The following CDH22 variants were observed in gnomAD, a reference collection of about 807,000 sequenced individuals.
CDH22 encodes cadherin 22, also known as cadherin-22.
A neutral mutation model predicts 58.4 loss-of-function variants in CDH22; 30 were observed. That is an observed-to-expected ratio of 0.51 (90% CI 0.38 to 0.70). The LOEUF is 0.70. CDH22 is among the 30% of genes least tolerant of loss of function. The pLI, the probability that CDH22 is intolerant of heterozygous loss-of-function variation, is 0.00. For synonymous variants in CDH22, 513 were observed against 558.2 expected (o/e 0.92, Z 1.14); for missense variants, 1,014 against 1,233.9 (o/e 0.82, Z 2.67).
Position 46,210,077 on chromosome 20 carries a change from C to T in CDH22, c.1286+230G>A, listed in dbSNP as rs982218522. 6 of 437,468 alleles carry T rather than the reference C, an allele frequency of 1.4e-5. No homozygotes were observed. The highest frequency in any genetic ancestry group is 5.9e-4 in the Middle Eastern group (1 of 1,684). The allele number at this position is 437,468 out of a possible 1,614,324, so 27.1% of individuals were successfully genotyped here. ...CCTCCTGGTTCTCTCCCTTATTGGC[C>T]TGGCTCGCCTGCCTGTCTCATTGAC... On this transcript the variant is annotated intron_variant, in intron 7 of 11. Transcript: ENST00000537909. The surrounding 1 kb of genome is among the most constrained non-coding windows in gnomAD (Gnocchi z 4.5).
intron 1 of CDH22, among the ~76,000 whole-genome samples, chr20:46,274,827 C>A (rs202069633): frequency 1.0e-4 from 14 of 140,388 alleles, no homozygotes; most frequent in African/African-American, 1.3e-4. Context: ...GAGCCAGATG[C>A]AAAAAAAAAA....
chr20:46,304,604 C>G (rs1219799240), intron 1 of CDH22, among the ~76,000 whole-genome samples: 1 of 152,206 alleles, frequency 6.6e-6, no homozygotes, highest in African/African-American at 2.4e-5. Flanking sequence ...AAGTTCCCAG[C>G]CTAATCCCAA....
chr20:46,273,192 A>G (rs1264249509), intron 1 of CDH22, among the ~76,000 whole-genome samples: 1 of 152,196 alleles, frequency 6.6e-6, no homozygotes, highest in Non-Finnish European at 1.5e-5. Context: ...TGAGATCATC[A>G]GAAAACAAAT....
chr20:46,283,245 C>A (rs2086558954), intron 1 of CDH22, among the ~76,000 whole-genome samples: 1 of 152,170 alleles, frequency 6.6e-6, no homozygotes, highest in Non-Finnish European at 1.5e-5. Context: ...TCCAAGTGCA[C>A]TGGGAATGCA....
At chr20:46,286,087 G>A (rs1007697664) in intron 1 of CDH22, among the ~76,000 whole-genome samples, 3 of 152,188 alleles carry the variant, frequency 2.0e-5, no homozygotes, top group African/African-American at 7.2e-5. Flanking sequence ...GTGGTGGGGA[G>A]AGTTTTTCTA....
intron 1 of CDH22, among the ~76,000 whole-genome samples, chr20:46,255,301 C>G (rs551599412): frequency 6.6e-6 from 1 of 152,156 alleles, no homozygotes; most frequent in Non-Finnish European, 1.5e-5. Flanking sequence ...TGTGAGCCAC[C>G]GTGCCTGGCC....
intron 3 of CDH22, among the ~76,000 whole-genome samples, chr20:46,238,208 A>G (rs1467619023): frequency 2.0e-5 from 3 of 151,928 alleles, no homozygotes; most frequent in Non-Finnish European, 4.4e-5. Flanking sequence ...AGCTCTCCCC[A>G]CCTTTCTGGA....
chr20:46,270,619 G>A (rs1403558753), intron 1 of CDH22, among the ~76,000 whole-genome samples: 1 of 152,182 alleles, frequency 6.6e-6, no homozygotes, highest in Non-Finnish European at 1.5e-5. Context: ...TCTCCAGGAG[G>A]CACTGCAGGT....
At position 46,251,173 on chromosome 20, in the gene CDH22, G is replaced by T. The variant is rs769227946; in HGVS notation, c.122C>A (p.Thr41Lys). The T allele has an allele frequency of 1.3e-6, 2 of 1,568,206 alleles. No homozygotes were observed. The highest frequency in any genetic ancestry group is 2.3e-5 in the South Asian group (2 of 87,402). Residue 41 changes from threonine to lysine, a missense_variant, in exon 2 of 12, where the codon ACA becomes AAA. By Grantham distance (78) the Thr-to-Lys change is moderately conservative. Transcript: ENST00000537909. The surrounding 1 kb of genome is among the most constrained non-coding windows in gnomAD (Gnocchi z 6.7). ...AGCTCCGGGCGCCGACGGCGAGGGT[G>T]TGCCCGCTGCCCACAGGCGCCCCAG... ...TLLGRLWAAG[T>K]PSPSAPGARQ...
At chr20:46,202,400 C>T (rs2085967892) in intron 7 of CDH22, among the ~76,000 whole-genome samples, 2 of 150,542 alleles carry the variant, frequency 1.3e-5, no homozygotes, top group Admixed American at 1.3e-4. Context: ...GTCACCCAGG[C>T]TGGAGTGCAG....
intron 11 of CDH22, among the ~76,000 whole-genome samples, chr20:46,177,335 C>T (rs1231856014): frequency 1.3e-5 from 2 of 152,304 alleles, no homozygotes; most frequent in East Asian, 3.9e-4. Context: ...AACTTGACCT[C>T]TTCATTGGGG....
At chr20:46,258,595 G>T (rs1188554121) in intron 1 of CDH22, among the ~76,000 whole-genome samples, 1 of 152,240 alleles carries the variant, frequency 6.6e-6, no homozygotes, top group Non-Finnish European at 1.5e-5. Context: ...TGACCTGGCA[G>T]ATCCTTGCTG....
chr20:46,202,175 G>A (rs1004834058), intron 7 of CDH22, among the ~76,000 whole-genome samples: 2 of 151,942 alleles, frequency 1.3e-5, no homozygotes, highest in African/African-American at 4.8e-5. Flanking sequence ...GAATTCCAGC[G>A]AGCCTTCTGC....
chr20:46,194,406 C>G (rs1483031323), intron 8 of CDH22, among the ~76,000 whole-genome samples: 4 of 152,256 alleles, frequency 2.6e-5, no homozygotes, highest in Admixed American at 6.5e-5. Flanking sequence ...CTTAGGCCTC[C>G]TCTATGGTCC....
intron 1 of CDH22, among the ~76,000 whole-genome samples, chr20:46,255,360 C>T (rs1264796063): frequency 6.6e-6 from 1 of 152,172 alleles, no homozygotes; most frequent in African/African-American, 2.4e-5. Flanking sequence ...GAGGACTCTA[C>T]CAAGCATACA....
chr20:46,280,888 C>T (rs2086548005), intron 1 of CDH22, among the ~76,000 whole-genome samples: 1 of 152,238 alleles, frequency 6.6e-6, no homozygotes, highest in Non-Finnish European at 1.5e-5. Flanking sequence ...TAGGCAGTGT[C>T]TGGCTTAACC....
chr20:46,308,033 G>A lies in CDH22; in HGVS notation c.-400+222C>T, dbSNP rs1191864777. On this transcript the variant is annotated intron_variant, in intron 1 of 11. Coordinates refer to ENST00000537909, the MANE Select transcript of CDH22 (RefSeq NM_021248.3). The surrounding 1 kb of genome is among the most constrained non-coding windows in gnomAD (Gnocchi z 4.3). ...CCGAGAGGCGGCTCGGCTCCGCGCC[G>A]GGGAAAGTTTGGACGTGGGAAACTC... Among the ~76,000 whole-genome samples, 1 of 151,670 alleles carries A rather than the reference G, an allele frequency of 6.6e-6. No individual in the cohort carries two copies. Among genetic ancestry groups the A allele is most frequent in the African/African-American group, 2.4e-5 (1 of 41,374 alleles).
intron 4 of CDH22, among the ~76,000 whole-genome samples, chr20:46,221,831 G>A (rs1490984641): frequency 6.6e-6 from 1 of 152,174 alleles, no homozygotes; most frequent in Non-Finnish European, 1.5e-5. Context: ...AGATCTAGGG[G>A]TACAAATATT....
chr20:46,262,075 A>G (rs953170397), intron 1 of CDH22, among the ~76,000 whole-genome samples: 4 of 152,162 alleles, frequency 2.6e-5, no homozygotes, highest in East Asian at 3.9e-4. Context: ...TAGGTGCTCA[A>G]TAAGTGTGGA....
Sources: allele counts gnomAD v4.1 joint callset (sites outside exome capture counted in the v4.1 genomes callset), GRCh38; gene constraint gnomAD v4.1.1; non-coding constraint Gnocchi (gnomAD v3.1); transcripts MANE v1.5; gene names NCBI Gene and HGNC (gene_info 2026-07-23, HGNC 2026-07-21).